The following CSMD1 variants were observed in gnomAD, a reference collection of about 807,000 sequenced individuals.
CSMD1 encodes the protein CUB and sushi domain-containing protein 1.
In CSMD1, 213 loss-of-function variants were observed where a neutral mutation model predicts 417.5. The ratio of observed to expected loss-of-function variants is 0.51; its 90% CI spans 0.46 to 0.57. CSMD1 has a LOEUF of 0.57. CSMD1 is among the 20% of genes least tolerant of loss of function. The probability of loss-of-function intolerance (pLI) is 0.00; values close to 1 mark genes in which losing one functional copy is unlikely to be tolerated. For synonymous variants in CSMD1, 2,862 were observed against 1,736.8 expected (o/e 1.65, Z -16.11); for missense variants, 6,923 against 4,529.7 (o/e 1.53, Z -15.17).
intron 5 of CSMD1, among the ~76,000 whole-genome samples, chr8:3,824,908 C>T (rs528025221): frequency 4.6e-5 from 7 of 152,092 alleles, no homozygotes; most frequent in Non-Finnish European, 7.4e-5. Context: ...AGATTTCAGC[C>T]CTGTTAATTA....
intron 3 of CSMD1, among the ~76,000 whole-genome samples, chr8:4,145,125 G>A (rs554181035): frequency 6.6e-6 from 1 of 151,120 alleles, no homozygotes; most frequent in Non-Finnish European, 1.5e-5. Context: ...ACATGGCGCA[G>A]ATATAATAGT....
At chr8:3,009,644 G>T (rs778148463) in intron 52 of CSMD1, among the ~76,000 whole-genome samples, 4 of 152,176 alleles carry the variant, frequency 2.6e-5, no homozygotes, top group Admixed American at 6.5e-5. Flanking sequence ...TGATAACTGA[G>T]GTGTGTTTTT....
At chr8:3,663,541 C>T (rs1437419120) in intron 7 of CSMD1, among the ~76,000 whole-genome samples, 2 of 152,150 alleles carry the variant, frequency 1.3e-5, no homozygotes, top group Non-Finnish European at 1.5e-5. Context: ...CTGGAAACTG[C>T]TTACGGCCAA....
At chr8:4,696,162 A>G (rs1159016073) in intron 1 of CSMD1, among the ~76,000 whole-genome samples, 2 of 152,236 alleles carry the variant, frequency 1.3e-5, no homozygotes, top group African/African-American at 2.4e-5. Context: ...AAATCATTCA[A>G]TAAATGTTTT....
intron 5 of CSMD1, among the ~76,000 whole-genome samples, chr8:3,800,545 T>C (rs1016428741): frequency 2.0e-5 from 3 of 152,126 alleles, no homozygotes; most frequent in Non-Finnish European, 4.4e-5. Context: ...CATAGAGGTA[T>C]GCAATGGCTT....
chr8:4,644,156 G>A (rs1007531761), intron 1 of CSMD1, among the ~76,000 whole-genome samples: 1 of 152,130 alleles, frequency 6.6e-6, no homozygotes, highest in Non-Finnish European at 1.5e-5. Context: ...AATGAACCAG[G>A]AGTACCCGGT....
intron 2 of CSMD1, among the ~76,000 whole-genome samples, chr8:4,613,997 G>A: frequency 6.6e-6 from 1 of 151,264 alleles, no homozygotes; most frequent in Non-Finnish European, 1.5e-5. Context: ...GATTTTACAT[G>A]TCCTAATAAA....
intron 4 of CSMD1, among the ~76,000 whole-genome samples, chr8:4,013,160 G>A (rs773672284): frequency 6.6e-6 from 1 of 152,012 alleles, no homozygotes; most frequent in Non-Finnish European, 1.5e-5. Flanking sequence ...GCTCAGTATA[G>A]AGGTTAAAGT....
intron 10 of CSMD1, among the ~76,000 whole-genome samples, chr8:3,532,952 A>C (rs1234663989): frequency 6.6e-6 from 1 of 152,222 alleles, no homozygotes; most frequent in East Asian, 1.9e-4. Context: ...AAGTATTATC[A>C]TGTAGAGTCT....
At chr8:3,551,116 C>G (rs1455885270) in intron 10 of CSMD1, among the ~76,000 whole-genome samples, 1 of 152,276 alleles carries the variant, frequency 6.6e-6, no homozygotes, top group Non-Finnish European at 1.5e-5. Flanking sequence ...GACTTGACCT[C>G]TTTGTGATTC....
At chr8:4,873,386 G>A (rs1223243024) in intron 1 of CSMD1, among the ~76,000 whole-genome samples, 1 of 152,100 alleles carries the variant, frequency 6.6e-6, no homozygotes, top group African/African-American at 2.4e-5. Flanking sequence ...ATAGAGGAGA[G>A]ACTCCCGGAC....
chr8:3,723,020 C>A (rs1206543194), intron 6 of CSMD1, among the ~76,000 whole-genome samples: 1 of 152,198 alleles, frequency 6.6e-6, no homozygotes. Context: ...GCTGGGCCCT[C>A]TGAGCTGGGT....
At chr8:4,961,517 T>C (rs1009707866) in intron 1 of CSMD1, among the ~76,000 whole-genome samples, 3 of 152,170 alleles carry the variant, frequency 2.0e-5, no homozygotes, top group African/African-American at 4.8e-5. Flanking sequence ...TATCCATTAG[T>C]TTGGCTAGTT....
chr8:3,701,993 A>G (rs1182620889), intron 7 of CSMD1, among the ~76,000 whole-genome samples: 1 of 151,278 alleles, frequency 6.6e-6, no homozygotes, highest in Non-Finnish European at 1.5e-5. Context: ...TTTTCTTTTC[A>G]GGGTAAGAAA....
At chr8:3,233,340 G>A (rs73185512) in intron 26 of CSMD1, among the ~76,000 whole-genome samples, 2 of 152,060 alleles carry the variant, frequency 1.3e-5, no homozygotes, top group African/African-American at 2.4e-5. Flanking sequence ...TCAGCCCCTC[G>A]CCAGGCGATG....
intron 2 of CSMD1, among the ~76,000 whole-genome samples, chr8:4,631,400 T>G (rs1023559756): frequency 6.9e-6 from 1 of 144,680 alleles, no homozygotes; most frequent in Admixed American, 6.8e-5. Context: ...CTTGGTTTGT[T>G]TTTTTTTTTT....
chr8:4,008,361 CTAA>C (rs1479446454), intron 4 of CSMD1, among the ~76,000 whole-genome samples: 1 of 151,560 alleles, frequency 6.6e-6, no homozygotes, highest in African/African-American at 2.4e-5. Flanking sequence ...TCCATGGATA[CTAA>C]TAAGCATGAA....
At chr8:3,445,809 C>G (rs1007704799) in intron 12 of CSMD1, among the ~76,000 whole-genome samples, 1 of 152,038 alleles carries the variant, frequency 6.6e-6, no homozygotes, top group Non-Finnish European at 1.5e-5. Flanking sequence ...AAACATAACA[C>G]CCAAAGGCAA....
intron 3 of CSMD1, among the ~76,000 whole-genome samples, chr8:4,324,537 C>G (rs754583412): frequency 6.6e-6 from 1 of 152,198 alleles, no homozygotes; most frequent in African/African-American, 2.4e-5. Flanking sequence ...CCAGGAGGTG[C>G]ATTCTGGTGG....
Sources: gnomAD v4.1 joint callset for allele counts (sites outside exome capture counted in the v4.1 genomes callset) on GRCh38, gnomAD v4.1.1 for gene constraint, MANE v1.5 for transcripts, NCBI Gene and HGNC (gene_info 2026-07-23, HGNC 2026-07-21) for gene names.